Variants in PXDNL observed in about 807,000 individuals in gnomAD.
PXDNL encodes peroxidasin like.
Under a neutral mutation model 150.8 loss-of-function variants are expected in PXDNL, and 145 were observed. That is an observed-to-expected ratio of 0.96 (90% CI 0.84 to 1.10). PXDNL has a LOEUF of 1.10. Ranked by LOEUF, PXDNL falls within the 50% of genes least tolerant of loss-of-function variation. The pLI, the probability that PXDNL is intolerant of heterozygous loss-of-function variation, is 0.00. For synonymous variants in PXDNL, 757 were observed against 725.7 expected, an observed-to-expected ratio of 1.04 and a Z score of -0.69; for missense variants, 2,087 against 1,873.9, an observed-to-expected ratio of 1.11 and a Z score of -2.10.
Position 51,320,009 on chromosome 8 carries a change from G to T in PXDNL, c.4274C>A (p.Thr1425Asn). ...CGGGGGACAAATCTCCACCACACAGGTGACCTGGCCACTCTGAAAGGCAGC... is the reference window on the plus strand; with the variant it reads ...CGGGGGACAAATCTCCACCACACAGTTGACCTGGCCACTCTGAAAGGCAGC... Reference protein sequence around the residue: ...THCICESGQVTCVVEICPPAP... With the variant: ...THCICESGQVNCVVEICPPAP... The change falls in exon 23 of 23, where the codon ACC (threonine) becomes AAC (asparagine). Residue 1425 changes from threonine (T) to asparagine (N), a missense_variant. By Grantham distance (65) the Thr-to-Asn change is moderately conservative. Coordinates refer to ENST00000356297, the MANE Select transcript of PXDNL (RefSeq NM_144651.5). The T allele has an allele frequency of 2.6e-6, 4 of 1,538,652 alleles. No homozygotes were observed. The highest frequency in any genetic ancestry group is 3.5e-6 in the Non-Finnish European group (4 of 1,144,286).
At chr8:51,706,233 C>A (rs1816375911) in intron 1 of PXDNL, among the ~76,000 whole-genome samples, 1 of 152,024 alleles carries the variant, frequency 6.6e-6, no homozygotes, top group Non-Finnish European at 1.5e-5. Context: ...ATTACTTGAA[C>A]CTGGGAGGTA....
At chr8:51,602,089 G>A (rs1813735986) in intron 2 of PXDNL, among the ~76,000 whole-genome samples, 1 of 151,394 alleles carries the variant, frequency 6.6e-6, no homozygotes, top group Admixed American at 6.6e-5. Flanking sequence ...AGCCTGATGG[G>A]CTTCCCTTTG....
At chr8:51,523,103 C>A (rs1249851646) in intron 4 of PXDNL, among the ~76,000 whole-genome samples, 2 of 152,022 alleles carry the variant, frequency 1.3e-5, no homozygotes, top group Non-Finnish European at 1.5e-5. Context: ...CATTAAAAAA[C>A]CAGCCAAGTA....
At chr8:51,457,439 CA>C (rs1192362694) in intron 9 of PXDNL, 58 bp downstream of exon 9, 3 of 1,333,348 alleles carry the variant, frequency 2.2e-6, no homozygotes, top group Non-Finnish European at 3.1e-6. Context: ...TCTAAAGCAG[CA>C]ATATTAGATC....
chr8:51,675,624 C>A (rs749071666), intron 1 of PXDNL, among the ~76,000 whole-genome samples: 57 of 151,790 alleles, frequency 3.8e-4, no homozygotes, highest in Non-Finnish European at 6.6e-4. Flanking sequence ...GAAACCCTGT[C>A]TCTACTAAAA....
At chr8:51,398,390 G>A (rs10094022) in intron 17 of PXDNL, among the ~76,000 whole-genome samples, 3,483 of 152,310 alleles carry the variant, frequency 0.023, 135 homozygotes, top group African/African-American at 0.078. Context: ...ATGGCTGGCT[G>A]ACACCTGAGC....
Position 51,432,823 on chromosome 8 carries a change from A to G in PXDNL, c.1526-6065T>C, listed in dbSNP as rs371019974. Among the ~76,000 whole-genome samples, 51 of 152,358 alleles carry G rather than the reference A, an allele frequency of 3.3e-4. 1 individual carries two copies. The East Asian group carries it at 8.7e-3, about 26-fold the overall frequency. On this transcript the variant is annotated intron_variant, in intron 12 of 22. Transcript: ENST00000356297. ...AATTGTACGTATTTCTTCTAAAGTC[A>G]TAACATTTGTTTTCTATGTCTTGCC...
intron 1 of PXDNL, among the ~76,000 whole-genome samples, chr8:51,782,550 T>C (rs935290320): frequency 4.6e-5 from 7 of 152,248 alleles, no homozygotes; most frequent in African/African-American, 1.7e-4. Context: ...GGGCACATAG[T>C]AGTCACTGAT....
intron 9 of PXDNL, among the ~76,000 whole-genome samples, chr8:51,455,115 C>CAAAAAAAAAAAA (rs536468204): frequency 0.064 from 1,006 of 15,808 alleles, 323 homozygotes; most frequent in African/African-American, 0.08. Context: ...GACTCCGTCT[C>CAAAAAAAAAAAA]AAAAAAAAAA....
At chr8:51,632,607 A>C (rs1188035413) in intron 2 of PXDNL, among the ~76,000 whole-genome samples, 2 of 152,208 alleles carry the variant, frequency 1.3e-5, no homozygotes, top group Non-Finnish European at 2.9e-5. Flanking sequence ...CAATCAATCA[A>C]TCAATAAAGT....
intron 21 of PXDNL, 45 bp from the exon 22 acceptor site, chr8:51,320,942 T>C (rs1805297706): frequency 3.6e-6 from 5 of 1,399,164 alleles, no homozygotes; most frequent in Non-Finnish European, 5.1e-6. Context: ...TTGAAGCGGA[T>C]AGCAACAAAG....
At chr8:51,679,745 G>A (rs1563504553) in intron 1 of PXDNL, among the ~76,000 whole-genome samples, 1 of 152,150 alleles carries the variant, frequency 6.6e-6, no homozygotes, top group Non-Finnish European at 1.5e-5. Context: ...GAACTTCAAA[G>A]CCTGGTAGTT....
intron 16 of PXDNL, among the ~76,000 whole-genome samples, chr8:51,410,106 G>T (rs1367814938): frequency 2.0e-5 from 3 of 152,156 alleles, no homozygotes; most frequent in African/African-American, 4.8e-5. Context: ...CAAGGTCAAA[G>T]AAATATCAAT....
Position 51,785,489 on chromosome 8 carries a change from A to G in PXDNL, c.164+23692T>C, listed in dbSNP as rs548815899. On this transcript the variant is annotated intron_variant, in intron 1 of 22. Coordinates refer to ENST00000356297, the MANE Select transcript of PXDNL (RefSeq NM_144651.5). ...TGGCAACCCTGAGTGGAGCAAGTCTACTGGTGACATTTTCCCAACAGCATG... is the reference window on the plus strand; with the variant it reads ...TGGCAACCCTGAGTGGAGCAAGTCTGCTGGTGACATTTTCCCAACAGCATG... 1.2e-4 allele frequency among the ~76,000 whole-genome samples: 18 copies of G among 152,332 alleles called. 1 individual carries two copies. The South Asian group carries it at 3.7e-3, about 32-fold the overall frequency.
At chr8:51,619,490 A>G (rs781550898) in intron 2 of PXDNL, among the ~76,000 whole-genome samples, 8 of 152,152 alleles carry the variant, frequency 5.3e-5, no homozygotes, top group East Asian at 1.9e-4. Context: ...TTAATTCCCA[A>G]TGTTGGAGGT....
intron 12 of PXDNL, among the ~76,000 whole-genome samples, chr8:51,427,258 C>A (rs1017350): frequency 0.54 from 81,721 of 151,910 alleles, 26,033 homozygotes; most frequent in Non-Finnish European, 0.7. Flanking sequence ...CTTAAAACTC[C>A]CCAAATAAGA....
At chr8:51,607,684 T>C (rs996979775) in intron 2 of PXDNL, among the ~76,000 whole-genome samples, 3 of 148,008 alleles carry the variant, frequency 2.0e-5, no homozygotes, top group African/African-American at 7.8e-5. Flanking sequence ...CTACTAAAAA[T>C]ACAAAATTAG....
At chr8:51,352,925 G>A (rs1806397092) in intron 19 of PXDNL, among the ~76,000 whole-genome samples, 1 of 152,116 alleles carries the variant, frequency 6.6e-6, no homozygotes, top group Admixed American at 6.5e-5. Flanking sequence ...AGACAGAGTG[G>A]AATAACATGC....
chr8:51,759,550 G>C (rs1281762887), intron 1 of PXDNL, among the ~76,000 whole-genome samples: 1 of 152,220 alleles, frequency 6.6e-6, no homozygotes, highest in Non-Finnish European at 1.5e-5. Context: ...ACTGGAGGGA[G>C]AGAGAGAGTA....
Sources: gnomAD v4.1 joint callset for allele counts (sites outside exome capture counted in the v4.1 genomes callset) on GRCh38, gnomAD v4.1.1 for gene constraint, MANE v1.5 for transcripts, NCBI Gene and HGNC (gene_info 2026-07-23, HGNC 2026-07-21) for gene names.